ST8SIA2: variants seen among roughly 807,000 people sequenced by gnomAD.
The protein encoded by ST8SIA2 is ST8 alpha-N-acetyl-neuraminide alpha-2,8-sialyltransferase 2.
Under a neutral mutation model 37.6 loss-of-function variants are expected in ST8SIA2, and 22 were observed. That is an observed-to-expected ratio of 0.58 (90% CI 0.42 to 0.83). The LOEUF (loss-of-function observed/expected upper bound fraction) is 0.83. ST8SIA2 is among the 40% of genes least tolerant of loss of function. The pLI is 0.00. For synonymous variants in ST8SIA2, 205 were observed against 201.2 expected (o/e 1.02, Z -0.16); for missense variants, 382 against 484.7 (o/e 0.79, Z 1.99).
intron 5 of ST8SIA2, among the ~76,000 whole-genome samples, chr15:92,451,338 T>TA (rs1321605807): frequency 2.0e-5 from 3 of 152,204 alleles, no homozygotes; most frequent in African/African-American, 7.2e-5. Context: ...GCATCAAGGC[T>TA]ACACGTGCAC....
intron 1 of ST8SIA2, among the ~76,000 whole-genome samples, chr15:92,419,541 G>A (rs2049615637): frequency 6.6e-6 from 1 of 152,196 alleles, no homozygotes; most frequent in Non-Finnish European, 1.5e-5. Flanking sequence ...AGGGGGTGCT[G>A]AAGCCGAACG....
chr15:92,414,877 G>A (rs1224055018), intron 1 of ST8SIA2, among the ~76,000 whole-genome samples: 1 of 152,204 alleles, frequency 6.6e-6, no homozygotes, highest in African/African-American at 2.4e-5. Flanking sequence ...CAACATGGCT[G>A]GAGTTAATTT....
chr15:92,452,467 A>T (rs1377263592), intron 5 of ST8SIA2, among the ~76,000 whole-genome samples: 1 of 152,236 alleles, frequency 6.6e-6, no homozygotes, highest in African/African-American at 2.4e-5. Context: ...GAATTAGAGA[A>T]GGGAATCAGG....
intron 5 of ST8SIA2, among the ~76,000 whole-genome samples, chr15:92,457,040 A>C (rs1440123174): frequency 6.6e-6 from 1 of 152,206 alleles, no homozygotes; most frequent in African/African-American, 2.4e-5. Context: ...CAGAGGCCTC[A>C]ACAGTGTTCC....
At chr15:92,422,049 C>A (rs1436538678) in intron 1 of ST8SIA2, among the ~76,000 whole-genome samples, 1 of 152,110 alleles carries the variant, frequency 6.6e-6, no homozygotes, top group African/African-American at 2.4e-5. Context: ...TACTTAAGTA[C>A]CTGCATAGTA....
intron 1 of ST8SIA2, among the ~76,000 whole-genome samples, chr15:92,427,965 G>T (rs2049688853): frequency 6.6e-6 from 1 of 152,182 alleles, no homozygotes; most frequent in Admixed American, 6.5e-5. Context: ...CCTGGGCAAT[G>T]AAGGGAGACT....
intron 2 of ST8SIA2, 28 bp from the exon 3 acceptor site, chr15:92,434,218 TA>T: frequency 1.2e-6 from 2 of 1,613,572 alleles, no homozygotes; most frequent in Non-Finnish European, 1.7e-6. Context: ...ACATCATGTC[TA>T]CCCTCTTTCT....
At chr15:92,403,443 CAGAT>C (rs1269317376) in intron 1 of ST8SIA2, among the ~76,000 whole-genome samples, 8 of 152,190 alleles carry the variant, frequency 5.3e-5, no homozygotes, top group Non-Finnish European at 1.0e-4. Flanking sequence ...CTCATCATGT[CAGAT>C]AGCTTCGCGA....
At chr15:92,410,574 T>A (rs1442095774) in intron 1 of ST8SIA2, among the ~76,000 whole-genome samples, 1 of 152,198 alleles carries the variant, frequency 6.6e-6, no homozygotes, top group African/African-American at 2.4e-5. Context: ...TGAGTGCACG[T>A]AACGGGATGT....
chr15:92,446,918 G>C (rs1483820895), intron 5 of ST8SIA2, among the ~76,000 whole-genome samples: 2 of 152,124 alleles, frequency 1.3e-5, no homozygotes, highest in Non-Finnish European at 2.9e-5. Context: ...GAGAGAGGCA[G>C]GTGCCAGAAT....
chr15:92,433,511 G>A (rs1490389124), intron 2 of ST8SIA2, among the ~76,000 whole-genome samples: 2 of 152,128 alleles, frequency 1.3e-5, no homozygotes, highest in African/African-American at 2.4e-5. Flanking sequence ...ATGGAAAGGG[G>A]GTGTTTACCC....
At position 92,467,450 on chromosome 15, in the gene ST8SIA2, G is replaced by A. The variant is rs537963356; in HGVS notation, c.*3065G>A. On this transcript the variant is annotated 3_prime_UTR_variant, in exon 6 of 6. Coordinates refer to ENST00000268164, the MANE Select transcript of ST8SIA2 (RefSeq NM_006011.4). Reference sequence around the variant, plus strand: ...CCCAGCCTGGCAGCAGCGTCCCAGCGCCTCCACATTGCCCCTCTCACCTCC... The same window carrying A: ...CCCAGCCTGGCAGCAGCGTCCCAGCACCTCCACATTGCCCCTCTCACCTCC... 8.9e-4 allele frequency: 136 copies of A among 153,316 alleles called. No individual in the cohort carries two copies. The highest frequency in any genetic ancestry group is 1.3e-4 in the Non-Finnish European group (9 of 68,436). 9.5% of individuals were successfully genotyped at this position (153,316 alleles called of 1,614,324 possible).
At chr15:92,462,643 A>T (rs1344047103) in intron 5 of ST8SIA2, among the ~76,000 whole-genome samples, 1 of 152,182 alleles carries the variant, frequency 6.6e-6, no homozygotes, top group Non-Finnish European at 1.5e-5. Context: ...CTCTGTGGAG[A>T]TGTCAACAGA....
chr15:92,464,038 T>C, intron 5 of ST8SIA2, 62 bp from the exon 6 acceptor site: 1 of 1,508,910 alleles, frequency 6.6e-7, no homozygotes, highest in Non-Finnish European at 8.8e-7. Context: ...TTTGTCTTCC[T>C]GGAAAGGATG....
chr15:92,401,487 C>T lies in ST8SIA2; in HGVS notation c.98+7325C>T, dbSNP rs141834023. 1.6e-3 allele frequency among the ~76,000 whole-genome samples: 239 copies of T among 152,292 alleles called. 2 individuals carry two copies. The highest frequency in any genetic ancestry group is 5.6e-3 in the African/African-American group (233 of 41,558). ...GCTTTGGCTGTCACTGACTTCGCGA[C>T]GATGGCAAGGAGGAAACGGCTCCAA... On this transcript the variant is annotated intron_variant, in intron 1 of 5. Transcript: ENST00000268164.
chr15:92,454,758 G>GCCAACAAGGC (rs1567224461), intron 5 of ST8SIA2, among the ~76,000 whole-genome samples: 120 of 152,238 alleles, frequency 7.9e-4, no homozygotes, highest in African/African-American at 2.9e-3. Context: ...GCTGGCCTGT[G>GCCAACAAGGC]GGGTGGCACG....
Position 92,464,842 on chromosome 15 carries a change from C to A in ST8SIA2, c.*457C>A, listed in dbSNP as rs982180555. The A allele has an allele frequency of 5.2e-5, 10 of 193,432 alleles. No individual in the cohort carries two copies. Among genetic ancestry groups the A allele is most frequent in the Non-Finnish European group, 9.7e-5 (9 of 92,948 alleles). 12.0% of individuals were successfully genotyped at this position (193,432 alleles called of 1,614,324 possible). A position where few individuals can be genotyped will look rare whatever the true frequency, so the allele number is the denominator to read the frequency against. ...GCTGAGGCCCAGAGGGGACACTCGA[C>A]CCAGTCTAAAGTGGGTGCCATTCAC... On this transcript the variant is annotated 3_prime_UTR_variant, in exon 6 of 6. Coordinates refer to ENST00000268164, the MANE Select transcript of ST8SIA2 (RefSeq NM_006011.4).
At chr15:92,398,321 G>C (rs1359071392) in intron 1 of ST8SIA2, among the ~76,000 whole-genome samples, 2 of 152,172 alleles carry the variant, frequency 1.3e-5, no homozygotes, top group African/African-American at 4.8e-5. Context: ...GGCTTGCACA[G>C]GTCTCCTCTT....
chr15:92,451,008 A>G (rs1158615840), intron 5 of ST8SIA2, among the ~76,000 whole-genome samples: 1 of 152,222 alleles, frequency 6.6e-6, no homozygotes, highest in Non-Finnish European at 1.5e-5. Flanking sequence ...TACCTTGACA[A>G]AGCATTTCAT....
Sources: allele counts gnomAD v4.1 joint callset (sites outside exome capture counted in the v4.1 genomes callset), GRCh38; gene constraint gnomAD v4.1.1; transcripts MANE v1.5; gene names NCBI Gene and HGNC (gene_info 2026-07-23, HGNC 2026-07-21).